UGGT1: variants seen among roughly 807,000 people sequenced by gnomAD.
UGGT1 encodes the protein UDP-glucose glycoprotein glucosyltransferase 1.
A neutral mutation model predicts 203.9 loss-of-function variants in UGGT1; 107 were observed. That is an observed-to-expected ratio of 0.52 (90% CI 0.45 to 0.62). The LOEUF (loss-of-function observed/expected upper bound fraction) is 0.62, where lower values mean the gene tolerates loss of function less well. UGGT1 is among the 20% of genes least tolerant of loss of function. The pLI, the probability that UGGT1 is intolerant of heterozygous loss-of-function variation, is 0.00. For synonymous variants in UGGT1, 628 were observed against 653.5 expected (o/e 0.96, Z 0.59); for missense variants, 1,673 against 1,867.2 (o/e 0.90, Z 1.92).
chr2:128,187,398 T>C (rs1328800277), intron 39 of UGGT1, 51 bp from the exon 40 acceptor site: 1 of 1,578,288 alleles, frequency 6.3e-7, no homozygotes, highest in Admixed American at 1.8e-5. Flanking sequence ...GAATTCTCTA[T>C]CATGTGGCCT....
intron 11 of UGGT1, among the ~76,000 whole-genome samples, chr2:128,124,086 C>T (rs1688502775): frequency 6.6e-6 from 1 of 152,178 alleles, no homozygotes; most frequent in East Asian, 1.9e-4. Context: ...GCTGGGACCA[C>T]AGGCGCCTGC....
At position 128,145,823 on chromosome 2, in the gene UGGT1, G is replaced by A. The variant is rs142802070; in HGVS notation, c.1872G>A (p.Glu624=). Residue 624 remains glutamate (E), a synonymous_variant, in exon 18 of 41, where the codon GAG becomes GAA. Transcript: ENST00000259253. ...TTCAGGAAGCAAGAGGCTACTATGA[G>A]CAGACTGGAGTTGGACCTCTGCCCG... ...RNRKEARGYY[E]QTGVGPLPVV... is the part of the protein sequence containing the mutation. 5.7e-5 allele frequency: 92 copies of A among 1,603,394 alleles called. No individual in the cohort carries two copies. Among genetic ancestry groups the A allele is most frequent in the Non-Finnish European group, 9.4e-6 (11 of 1,173,606 alleles).
intron 2 of UGGT1, among the ~76,000 whole-genome samples, chr2:128,102,568 T>G (rs1205549803): frequency 6.6e-6 from 1 of 152,206 alleles, no homozygotes; most frequent in Non-Finnish European, 1.5e-5. Context: ...ATTGTTATTC[T>G]CTCCTCTGGG....
chr2:128,156,933 T>C (rs1272188621), intron 21 of UGGT1, among the ~76,000 whole-genome samples: 1 of 152,196 alleles, frequency 6.6e-6, no homozygotes, highest in East Asian at 1.9e-4. Context: ...CAAATTAGTA[T>C]GATTAAAAAT....
At chr2:128,096,016 G>A (rs1378829005) in intron 1 of UGGT1, among the ~76,000 whole-genome samples, 1 of 152,114 alleles carries the variant, frequency 6.6e-6, no homozygotes, top group Non-Finnish European at 1.5e-5. Context: ...TAGAGCTCAG[G>A]GGAGGTCCGA....
chr2:128,138,382 G>A lies in UGGT1; in HGVS notation c.1584-335G>A, dbSNP rs535978756. Reference sequence around the variant, plus strand: ...TAAAAATACAAAAAATTAGCCAGGGGTAGTGGCGTATAATCGCAGCTACTT... The same window carrying A: ...TAAAAATACAAAAAATTAGCCAGGGATAGTGGCGTATAATCGCAGCTACTT... On this transcript the variant is annotated intron_variant, in intron 15 of 40. Transcript: ENST00000259253. Among the ~76,000 whole-genome samples, 5 of 152,228 alleles carry A rather than the reference G, an allele frequency of 3.3e-5. No homozygotes were observed. The South Asian group carries it at 8.3e-4, about 25-fold the overall frequency.
rs540416094 is a variant in UGGT1 at position 128,195,438 on chromosome 2, T to C, written c.*5696T>C. ...ATAAAATAAAGGTGGGAAAATGTTATAATTTTTAAGGAAACTGTGTACTTT... is the reference window on the plus strand; with the variant it reads ...ATAAAATAAAGGTGGGAAAATGTTACAATTTTTAAGGAAACTGTGTACTTT... On this transcript the variant is annotated 3_prime_UTR_variant, in exon 41 of 41. Transcript: ENST00000259253. The C allele has an allele frequency of 8.5e-5, 13 of 152,356 alleles. No homozygotes were observed. The highest frequency in any genetic ancestry group is 2.9e-4 in the African/African-American group (12 of 41,590). 9.4% of individuals were successfully genotyped at this position (152,356 alleles called of 1,614,324 possible).
chr2:128,112,460 A>ATG (rs1687908304), intron 5 of UGGT1, among the ~76,000 whole-genome samples: 1 of 120,826 alleles, frequency 8.3e-6, no homozygotes, highest in African/African-American at 2.8e-5. Context: ...TATGTTATAT[A>ATG]TATATATATA....
Position 128,180,958 on chromosome 2 carries a change from G to T in UGGT1, c.3969G>T (p.Arg1323=). 6.2e-7 allele frequency: 1 copy of T among 1,614,120 alleles called. No individual in the cohort carries two copies. Among genetic ancestry groups the T allele is most frequent in the Non-Finnish European group, 8.5e-7 (1 of 1,180,016 alleles). The change falls in exon 36 of 41, where the codon CGG becomes CGT. Residue 1323 remains arginine, a synonymous_variant. Coordinates refer to ENST00000259253, the MANE Select transcript of UGGT1 (RefSeq NM_020120.4). ...AGCTTGTTCAGTACAAATGGCCCCG[G>T]TGGCTTCATCAACAAACTGAAAAAC... The part of the protein sequence containing the change: ...QYELVQYKWP[R]WLHQQTEKQR...
At chr2:128,169,845 C>T (rs115523402) in intron 26 of UGGT1, among the ~76,000 whole-genome samples, 1,645 of 152,350 alleles carry the variant, frequency 0.011, 21 homozygotes, top group Non-Finnish European at 0.019. Context: ...CGTAGAGATG[C>T]AGCTAAGTGG....
intron 1 of UGGT1, among the ~76,000 whole-genome samples, chr2:128,091,981 A>G (rs1038187055): frequency 6.6e-6 from 1 of 152,202 alleles, no homozygotes; most frequent in African/African-American, 2.4e-5. Context: ...TTCCTTGGCC[A>G]GAATCTGCAG....
chr2:128,099,742 ACTTGATAAATGGGTCAAG>A (rs2105337608), intron 2 of UGGT1, among the ~76,000 whole-genome samples: 2 of 152,310 alleles, frequency 1.3e-5, no homozygotes, highest in African/African-American at 4.8e-5. Flanking sequence ...GTGATAACTA[ACTTGATAAATGGGTCAAG>A]CTTGTCAAAT....
intron 18 of UGGT1, among the ~76,000 whole-genome samples, chr2:128,150,296 A>G (rs1023457700): frequency 6.6e-6 from 1 of 152,180 alleles, no homozygotes; most frequent in Non-Finnish European, 1.5e-5. Flanking sequence ...TTAGCCAGGC[A>G]TTGTGGCATG....
Position 128,172,802 on chromosome 2 carries a change from A to G in UGGT1, c.3294+40A>G, listed in dbSNP as rs1691179282. The G allele has an allele frequency of 1.9e-6, 3 of 1,569,222 alleles. No individual in the cohort carries two copies. In the South Asian group the frequency reaches 3.4e-5, roughly 18 times the overall value. On this transcript the variant is annotated intron_variant, in intron 29 of 40. Coordinates refer to ENST00000259253, the MANE Select transcript of UGGT1 (RefSeq NM_020120.4). ...ATTGCTTCCAAATACCTAATCATGT[A>G]TAATACAGCAGATTGAATCATAGTC...
chr2:128,186,320 G>A (rs1213377660), intron 38 of UGGT1, among the ~76,000 whole-genome samples: 1 of 152,146 alleles, frequency 6.6e-6, no homozygotes, highest in Non-Finnish European at 1.5e-5. Context: ...GTCTCCACAC[G>A]AACTGGCTGG....
chr2:128,183,128 A>G (rs1488770228), intron 37 of UGGT1, among the ~76,000 whole-genome samples: 3 of 152,224 alleles, frequency 2.0e-5, no homozygotes, highest in African/African-American at 7.2e-5. Context: ...TAGGTCGAAC[A>G]GTGTGTGTGT....
Position 128,173,909 on chromosome 2 carries a change from C to T in UGGT1, c.3423C>T (p.Val1141=), listed in dbSNP as rs761535726. 1.1e-5 allele frequency: 18 copies of T among 1,614,014 alleles called. No homozygotes were observed. Among genetic ancestry groups the T allele is most frequent in the Non-Finnish European group, 1.4e-5 (16 of 1,180,020 alleles). Residue 1141 remains valine (V), a synonymous_variant, in exon 30 of 41, where the codon GTC becomes GTT. Transcript: ENST00000259253. ...QFTLGTSANP[V]IVDTIVMANL... is the part of the protein sequence containing the mutation. ...CCTTAGGAACTTCAGCCAACCCGGTCATTGTGGACACCATTGTTATGGCCA... is the reference window on the plus strand; with the variant it reads ...CCTTAGGAACTTCAGCCAACCCGGTTATTGTGGACACCATTGTTATGGCCA...
chr2:128,133,601 A>G (rs1416586919), intron 14 of UGGT1, among the ~76,000 whole-genome samples: 1 of 152,144 alleles, frequency 6.6e-6, no homozygotes, highest in Non-Finnish European at 1.5e-5. Context: ...GCTTTTCCAG[A>G]TTGAATAAGT....
intron 29 of UGGT1, 148 bp from the exon 30 acceptor site, chr2:128,173,633 T>C: frequency 1.0e-6 from 1 of 1,001,678 alleles, no homozygotes; most frequent in Non-Finnish European, 1.4e-6. Flanking sequence ...TTTCTGTCAT[T>C]ATACTTTTGT....
Sources: gnomAD v4.1 joint callset for allele counts (sites outside exome capture counted in the v4.1 genomes callset) on GRCh38, gnomAD v4.1.1 for gene constraint, MANE v1.5 for transcripts, NCBI Gene and HGNC (gene_info 2026-07-23, HGNC 2026-07-21) for gene names.